CACNA1C: variants seen among roughly 807,000 people sequenced by gnomAD.
The protein encoded by CACNA1C is voltage-dependent L-type calcium channel subunit alpha-1C.
A neutral mutation model predicts 229.0 loss-of-function variants in CACNA1C; 30 were observed. The observed-to-expected ratio is 0.13, with a 90% CI of 0.10 to 0.18. The LOEUF (loss-of-function observed/expected upper bound fraction) is 0.18. Ranked by LOEUF, CACNA1C falls within the 10% of genes least tolerant of loss-of-function variation. The pLI is 1.00. For synonymous variants in CACNA1C, 1,114 were observed against 1,132.5 expected (o/e 0.98, Z 0.33); for missense variants, 1,658 against 2,845.0 (o/e 0.58, Z 9.49).
rs1397419193 is a variant in CACNA1C at position 2,486,715 on chromosome 12, G to C, written c.916+453G>C. Among the ~76,000 whole-genome samples the C allele has an allele frequency of 6.6e-6, 1 of 152,138 alleles. No homozygotes were observed. Among genetic ancestry groups the C allele is most frequent in the African/African-American group, 2.4e-5 (1 of 41,438 alleles). On this transcript the variant is annotated intron_variant, in intron 6 of 46. Coordinates refer to ENST00000399655, the MANE Select transcript of CACNA1C (RefSeq NM_000719.7). This position sits in a 1 kb window ranked among gnomAD's most constrained non-coding sequence, Gnocchi z 4.9. ...ACAGGTTCTCCCAGCACCACTCTAAGATTTTTCTACCTTCATGGTGCTGAT... is the reference window on the plus strand; with the variant it reads ...ACAGGTTCTCCCAGCACCACTCTAACATTTTTCTACCTTCATGGTGCTGAT...
At chr12:2,312,943 T>C (rs182631172) in intron 3 of CACNA1C, among the ~76,000 whole-genome samples, 36 of 152,312 alleles carry the variant, frequency 2.4e-4, no homozygotes, top group African/African-American at 8.4e-4. Flanking sequence ...GCCTTTGATA[T>C]CCAGATACTG....
chr12:2,310,686 C>A (rs566422596), intron 3 of CACNA1C, among the ~76,000 whole-genome samples: 2 of 152,106 alleles, frequency 1.3e-5, no homozygotes, highest in Non-Finnish European at 2.9e-5. Flanking sequence ...CTAGAGGAAA[C>A]CTGCAAGGGC....
At chr12:2,244,788 G>A (rs1297834825) in intron 3 of CACNA1C, among the ~76,000 whole-genome samples, 1 of 152,236 alleles carries the variant, frequency 6.6e-6, no homozygotes, top group Non-Finnish European at 1.5e-5. Flanking sequence ...CACTTGGGCT[G>A]TAAATATCAA....
At chr12:2,463,271 A>T (rs1395453603) in intron 5 of CACNA1C, among the ~76,000 whole-genome samples, 13 of 152,146 alleles carry the variant, frequency 8.5e-5, no homozygotes, top group Non-Finnish European at 2.9e-5. Context: ...TTATGATCAC[A>T]GGTTATGGAA....
chr12:2,661,223 C>A (rs1287312357), intron 34 of CACNA1C, among the ~76,000 whole-genome samples: 1 of 151,616 alleles, frequency 6.6e-6, no homozygotes, highest in Non-Finnish European at 1.5e-5. Flanking sequence ...GATGGCTCCA[C>A]TGCACTCCAG....
rs57191390 is a variant in CACNA1C at position 2,358,251 on chromosome 12, C to CTG, written c.478-90669_478-90668dup. ...CTGGCCTAAAAGAAGCGGCGTCCTC[C>CTG]TGTGTGTGTGTGTGTGTGTGTGTGT... On this transcript the variant is annotated intron_variant, in intron 3 of 46. Transcript: ENST00000399655. Among the ~76,000 whole-genome samples the CTG allele has an allele frequency of 4.9e-3, 660 of 136,064 alleles. 3 individuals carry two copies. Among genetic ancestry groups the CTG allele is most frequent in the South Asian group, 0.013 (50 of 3,728 alleles). 89.3% of individuals were successfully genotyped at this position (136,064 alleles called of 152,430 possible).
Position 2,067,482 on chromosome 12 carries a change from G to GTGTGTGTGCA in CACNA1C, c.49+13871_49+13872insTGTGTGTGCA, listed in dbSNP as rs1555107491. ...TGTGTGTGTGTGTGTGTGTGTGTGTGCGCGCGTGTGCGTGCCTGTATGTAA... is the reference window on the plus strand; with the variant it reads ...TGTGTGTGTGTGTGTGTGTGTGTGTGTGTGTGTGCACGCGCGTGTGCGTGCCTGTATGTAA... On this transcript the variant is annotated intron_variant, in intron 1 of 46. Coordinates refer to ENST00000399655, the MANE Select transcript of CACNA1C (RefSeq NM_000719.7). This position sits in a 1 kb window ranked among gnomAD's most constrained non-coding sequence, Gnocchi z 5.3. Among the ~76,000 whole-genome samples, 472 of 17,350 alleles carry GTGTGTGTGCA rather than the reference G, an allele frequency of 0.027. 1 individual carries two copies. Among genetic ancestry groups the GTGTGTGTGCA allele is most frequent in the African/African-American group, 0.035 (445 of 12,860 alleles). 11.4% of individuals were successfully genotyped at this position (17,350 alleles called of 152,430 possible).
At chr12:2,437,834 GTAA>G (rs1228613888) in intron 3 of CACNA1C, among the ~76,000 whole-genome samples, 6 of 140,778 alleles carry the variant, frequency 4.3e-5, no homozygotes, top group South Asian at 2.5e-4. Flanking sequence ...AATGGTGGTG[GTAA>G]TGATGGTGGT....
At chr12:2,302,510 T>G (rs2094644109) in intron 3 of CACNA1C, among the ~76,000 whole-genome samples, 1 of 151,984 alleles carries the variant, frequency 6.6e-6, no homozygotes, top group Non-Finnish European at 1.5e-5. Flanking sequence ...CTTGTGGCTC[T>G]GGCCTCTGGG....
chr12:2,059,041 C>T (rs1275510013), intron 1 of CACNA1C, among the ~76,000 whole-genome samples: 1 of 152,146 alleles, frequency 6.6e-6, no homozygotes. Flanking sequence ...GAAGTGGATG[C>T]ATTCTCTACT....
chr12:2,599,590 C>A (rs1472801317), intron 21 of CACNA1C, among the ~76,000 whole-genome samples: 1 of 152,172 alleles, frequency 6.6e-6, no homozygotes, highest in Non-Finnish European at 1.5e-5. Context: ...AGCTTTCCTA[C>A]CCTTCCAGGC....
At position 2,601,391 on chromosome 12, in the gene CACNA1C, C is replaced by T. The variant is rs1347857054; in HGVS notation, c.2854-463C>T. On this transcript the variant is annotated intron_variant, in intron 21 of 46. Transcript: ENST00000399655. The surrounding 1 kb of genome is among the most constrained non-coding windows in gnomAD (Gnocchi z 5.9). ...GTCACCCTGCTGGGCATGCCCCGCCCCCCAACCCACCCACTCACGGCAGAT... is the reference window on the plus strand; with the variant it reads ...GTCACCCTGCTGGGCATGCCCCGCCTCCCAACCCACCCACTCACGGCAGAT... Among the ~76,000 whole-genome samples the T allele has an allele frequency of 6.6e-6, 1 of 152,118 alleles. No individual in the cohort carries two copies. The highest frequency in any genetic ancestry group is 1.5e-5 in the Non-Finnish European group (1 of 68,004).
chr12:2,002,948 T>C (rs1471885235), intron 1 of CACNA1C, among the ~76,000 whole-genome samples: 1 of 152,126 alleles, frequency 6.6e-6, no homozygotes, highest in Non-Finnish European at 1.5e-5. Flanking sequence ...CAAATTCCCC[T>C]GGAAACTAGG....
chr12:2,572,843 CTCCTCCTCT>C, intron 13 of CACNA1C, among the ~76,000 whole-genome samples: 1 of 105,776 alleles, frequency 9.5e-6, no homozygotes, highest in Non-Finnish European at 2.0e-5. Context: ...CCTTCTCTTC[CTCCTCCTCT>C]TCCTCCTCCT....
At chr12:2,557,044 G>A (rs1279656836) in intron 11 of CACNA1C, 67 bp downstream of exon 11, 4 of 1,356,628 alleles carry the variant, frequency 2.9e-6, no homozygotes, top group South Asian at 1.2e-5. Context: ...ACCCTGTTGG[G>A]TGGCCCAAGG....
intron 9 of CACNA1C, among the ~76,000 whole-genome samples, chr12:2,513,244 G>A (rs999575957): frequency 6.6e-6 from 1 of 152,248 alleles, no homozygotes; most frequent in African/African-American, 2.4e-5. Flanking sequence ...ATTTTGCTAA[G>A]GCAGAGGCTT....
chr12:2,220,018 C>T (rs1336084763), intron 3 of CACNA1C, among the ~76,000 whole-genome samples: 1 of 152,162 alleles, frequency 6.6e-6, no homozygotes, highest in Non-Finnish European at 1.5e-5. Flanking sequence ...TTTCCTCCTC[C>T]TCAGATGCTG....
intron 1 of CACNA1C, among the ~76,000 whole-genome samples, chr12:2,112,492 G>A (rs2082149102): frequency 6.6e-6 from 1 of 152,164 alleles, no homozygotes; most frequent in South Asian, 2.1e-4. Flanking sequence ...CAGGAGGAAG[G>A]TGAAGGGAAT....
intron 4 of CACNA1C, 38 bp from the exon 5 acceptor site, chr12:2,457,529 C>CCAGTCCTGA (rs1210005989): frequency 6.3e-7 from 1 of 1,590,050 alleles, no homozygotes; most frequent in East Asian, 2.3e-5. Flanking sequence ...AAAAGAAAAC[C>CCAGTCCTGA]CAGTCCTGAC....
Sources: allele counts gnomAD v4.1 joint callset (sites outside exome capture counted in the v4.1 genomes callset), GRCh38; gene constraint gnomAD v4.1.1; non-coding constraint Gnocchi (gnomAD v3.1); transcripts MANE v1.5; gene names NCBI Gene and HGNC (gene_info 2026-07-23, HGNC 2026-07-21).